WDR70: variants seen among roughly 807,000 people sequenced by gnomAD.
WDR70 encodes WD repeat-containing protein 70.
In WDR70, 53 loss-of-function variants were observed where a neutral mutation model predicts 88.6. The observed-to-expected ratio is 0.60, with a 90% CI of 0.48 to 0.75. WDR70 has a LOEUF of 0.75. WDR70 is among the 30% of genes least tolerant of loss of function. WDR70 has a pLI of 0.00. For missense variants in WDR70, 610 were observed against 823.2 expected (o/e 0.74, Z 3.17); for synonymous variants, 280 against 270.0 (o/e 1.04, Z -0.36).
intron 10 of WDR70, among the ~76,000 whole-genome samples, chr5:37,666,590 T>A (rs1420519143): frequency 6.6e-6 from 1 of 152,222 alleles, no homozygotes; most frequent in Non-Finnish European, 1.5e-5. Flanking sequence ...TTTACTTCCC[T>A]ACTTTTCACA....
chr5:37,728,108 G>A (rs112382484), intron 17 of WDR70, among the ~76,000 whole-genome samples: 34 of 152,048 alleles, frequency 2.2e-4, no homozygotes, highest in African/African-American at 7.7e-4. Context: ...GACACTTTGG[G>A]TGGCCGAGGC....
intron 9 of WDR70, among the ~76,000 whole-genome samples, chr5:37,598,762 A>G (rs1339552505): frequency 6.6e-6 from 1 of 152,236 alleles, no homozygotes; most frequent in Non-Finnish European, 1.5e-5. Context: ...ACATATTTTG[A>G]AACTTGGAGT....
chr5:37,398,377 G>A (rs868637654), intron 5 of WDR70, among the ~76,000 whole-genome samples: 22 of 149,706 alleles, frequency 1.5e-4, no homozygotes, highest in Admixed American at 6.0e-4. Context: ...GAGCCACTGC[G>A]CCCGGCCGCA....
chr5:37,484,171 G>A (rs905074757), intron 8 of WDR70, among the ~76,000 whole-genome samples: 4 of 152,340 alleles, frequency 2.6e-5, no homozygotes, highest in Middle Eastern at 6.8e-3. Context: ...GGCAGAGGCT[G>A]TAATCTCGGC....
At chr5:37,538,500 G>A (rs1180731182) in intron 9 of WDR70, among the ~76,000 whole-genome samples, 1 of 152,196 alleles carries the variant, frequency 6.6e-6, no homozygotes, top group Non-Finnish European at 1.5e-5. Flanking sequence ...TTGGGGGGAG[G>A]ATTCAGATGG....
intron 10 of WDR70, among the ~76,000 whole-genome samples, chr5:37,630,816 G>A (rs1744793733): frequency 6.6e-6 from 1 of 152,176 alleles, no homozygotes; most frequent in Non-Finnish European, 1.5e-5. Context: ...GGTGCCTCAG[G>A]TAACAAGATG....
chr5:37,527,352 T>C (rs965463560), intron 9 of WDR70, among the ~76,000 whole-genome samples: 1 of 152,170 alleles, frequency 6.6e-6, no homozygotes, highest in Non-Finnish European at 1.5e-5. Flanking sequence ...ATCTGATCTT[T>C]GACAAACCTG....
intron 9 of WDR70, among the ~76,000 whole-genome samples, chr5:37,578,569 A>G (rs923791293): frequency 6.6e-6 from 1 of 152,194 alleles, no homozygotes; most frequent in African/African-American, 2.4e-5. Flanking sequence ...GTTTTATTGA[A>G]AATCGAAGCA....
intron 14 of WDR70, 160 bp from the exon 15 acceptor site, chr5:37,722,695 C>T (rs375056233): frequency 1.6e-6 from 1 of 629,226 alleles, no homozygotes. Context: ...AAGCTTTTAT[C>T]ACTGAGAGCC....
intron 8 of WDR70, among the ~76,000 whole-genome samples, chr5:37,490,677 G>A (rs1740039567): frequency 6.6e-6 from 1 of 152,086 alleles, no homozygotes; most frequent in Admixed American, 6.5e-5. Flanking sequence ...GTGTGCTGGG[G>A]CTTTGTTGCC....
In WDR70 at chr5:37,605,020, C is replaced by CT. The variant is rs150300664; in HGVS notation, c.918-33dup. 5,417 of 1,325,564 alleles carry CT rather than the reference C, an allele frequency of 4.1e-3. 41 individuals carry two copies. In the African/African-American group the frequency reaches 0.043, roughly 11 times the overall value. 82.1% of individuals were successfully genotyped at this position (1,325,564 alleles called of 1,614,324 possible). On this transcript the variant is annotated intron_variant, in intron 9 of 17. Coordinates refer to ENST00000265107, the MANE Select transcript of WDR70 (RefSeq NM_018034.4). ...CCCTATTTTAACCTCCCCCCTCCTT[C>CT]TTTTTTTTTTTAAATAAATGAAAAA...
At chr5:37,597,768 T>G (rs999661703) in intron 9 of WDR70, among the ~76,000 whole-genome samples, 1 of 152,188 alleles carries the variant, frequency 6.6e-6, no homozygotes, top group Non-Finnish European at 1.5e-5. Context: ...TTGTACTTCC[T>G]AGCCTGCAGA....
intron 10 of WDR70, among the ~76,000 whole-genome samples, chr5:37,605,635 C>A (rs1439511680): frequency 2.0e-5 from 3 of 151,968 alleles, no homozygotes; most frequent in Non-Finnish European, 2.9e-5. Context: ...CATGAAAAGT[C>A]CAAGATGAGC....
In WDR70 at chr5:37,410,319, G is replaced by T. The variant is rs545471289; in HGVS notation, c.492+13749G>T. On this transcript the variant is annotated intron_variant, in intron 5 of 17. Coordinates refer to ENST00000265107, the MANE Select transcript of WDR70 (RefSeq NM_018034.4). Reference sequence around the variant, plus strand: ...CTCCCAAAGTGCTGGGATTATAGTTGTCAGCCACTGTGCCTGGCCTGAGTC... The same window carrying T: ...CTCCCAAAGTGCTGGGATTATAGTTTTCAGCCACTGTGCCTGGCCTGAGTC... Among the ~76,000 whole-genome samples the T allele has an allele frequency of 4.0e-5, 6 of 149,430 alleles. No individual in the cohort carries two copies. In the East Asian group the frequency reaches 1.2e-3, roughly 30 times the overall value.
intron 10 of WDR70, among the ~76,000 whole-genome samples, chr5:37,675,939 A>C (rs1039340140): frequency 4.4e-4 from 67 of 152,080 alleles, no homozygotes; most frequent in African/African-American, 1.6e-3. Flanking sequence ...CTCCTTGAAG[A>C]GGTCCTTCAC....
chr5:37,718,432 G>T (rs752759808), intron 13 of WDR70, among the ~76,000 whole-genome samples: 13 of 152,266 alleles, frequency 8.5e-5, no homozygotes, highest in Non-Finnish European at 1.0e-4. Context: ...TTGAGAACTA[G>T]TAATCTTAGA....
intron 13 of WDR70, among the ~76,000 whole-genome samples, chr5:37,710,505 A>G (rs1747481318): frequency 6.6e-6 from 1 of 152,138 alleles, no homozygotes; most frequent in African/African-American, 2.4e-5. Flanking sequence ...GGAAGACAAT[A>G]TTTCCACAGA....
At chr5:37,520,940 A>C (rs749991445) in intron 9 of WDR70, among the ~76,000 whole-genome samples, 1 of 152,248 alleles carries the variant, frequency 6.6e-6, no homozygotes, top group Non-Finnish European at 1.5e-5. Flanking sequence ...TGAATAATTG[A>C]TACTAATGTT....
At chr5:37,508,257 A>G (rs1378825056) in intron 8 of WDR70, among the ~76,000 whole-genome samples, 37 of 152,232 alleles carry the variant, frequency 2.4e-4, no homozygotes, top group Non-Finnish European at 4.4e-5. Context: ...TGGATTCTCT[A>G]TGATGCGATT....
Sources: gnomAD v4.1 joint callset for allele counts (sites outside exome capture counted in the v4.1 genomes callset) on GRCh38, gnomAD v4.1.1 for gene constraint, MANE v1.5 for transcripts, NCBI Gene and HGNC (gene_info 2026-07-23, HGNC 2026-07-21) for gene names.